The following DOCK1 variants were observed in gnomAD, a reference collection of about 807,000 sequenced individuals.
The protein encoded by DOCK1 is dedicator of cytokinesis 1.
A neutral mutation model predicts 262.7 loss-of-function variants in DOCK1; 138 were observed. The observed-to-expected ratio is 0.53, with a 90% CI of 0.46 to 0.61. The LOEUF is 0.61. DOCK1 is among the 20% of genes least tolerant of loss of function. The pLI, the probability that DOCK1 is intolerant of heterozygous loss-of-function variation, is 0.00. For synonymous variants in DOCK1, 866 were observed against 867.4 expected, an observed-to-expected ratio of 1.00 and a Z score of 0.03; for missense variants, 1,908 against 2,370.7, an observed-to-expected ratio of 0.80 and a Z score of 4.05.
chr10:126,990,601 C>T lies in DOCK1; in HGVS notation c.471C>T (p.Asn157=), dbSNP rs537707948. ...TCACAGCCAAAATTGATTATGGAAA[C>T]AGGTTTGTTTATTTGAAAGATGATT... ...KKVTAKIDYG[N]RILDLDLVVR... Residue 157 remains asparagine (N), a splice_region_variant and synonymous_variant, in exon 6 of 52, where the codon AAC becomes AAT. Coordinates refer to ENST00000623213, the MANE Select transcript of DOCK1 (RefSeq NM_001290223.2). 1.2e-6 allele frequency: 2 copies of T among 1,613,400 alleles called. No homozygotes were observed. The highest frequency in any genetic ancestry group is 3.3e-5 in the Admixed American group (2 of 59,950).
At chr10:127,445,085 G>A (rs1240379846) in intron 50 of DOCK1, among the ~76,000 whole-genome samples, 1 of 152,142 alleles carries the variant, frequency 6.6e-6, no homozygotes, top group East Asian at 1.9e-4. Context: ...ACATTCTGAG[G>A]TTCTGGGTGG....
chr10:127,170,222 T>C lies in DOCK1; in HGVS notation c.2847+42458T>C, dbSNP rs77658889. ...TGGTGTGTTACTTAGGATTTTCTGT[T>C]TTTAATCATACTCTTGCCTTTGCTC... On this transcript the variant is annotated intron_variant, in intron 27 of 51. Coordinates refer to ENST00000623213, the MANE Select transcript of DOCK1 (RefSeq NM_001290223.2). Among the ~76,000 whole-genome samples the C allele has an allele frequency of 6.6e-5, 10 of 152,270 alleles. No individual in the cohort carries two copies. In the East Asian group the frequency reaches 1.9e-3, roughly 29 times the overall value.
At chr10:127,138,433 T>C (rs899944345) in intron 27 of DOCK1, among the ~76,000 whole-genome samples, 5 of 152,146 alleles carry the variant, frequency 3.3e-5, no homozygotes, top group African/African-American at 1.2e-4. Flanking sequence ...GCAAGGTCCG[T>C]TCCTGTGCAA....
chr10:127,140,735 C>T (rs2051160341), intron 27 of DOCK1, among the ~76,000 whole-genome samples: 1 of 150,970 alleles, frequency 6.6e-6, no homozygotes, highest in Non-Finnish European at 1.5e-5. Flanking sequence ...ACGGTCTGGC[C>T]AACTCTGGCT....
chr10:127,061,831 C>T, intron 23 of DOCK1, 55 bp downstream of exon 23: 2 of 1,412,174 alleles, frequency 1.4e-6, no homozygotes, highest in Non-Finnish European at 9.6e-7. Flanking sequence ...CTTTCATTAT[C>T]TCTTTTGGAG....
intron 18 of DOCK1, among the ~76,000 whole-genome samples, chr10:127,032,930 G>A (rs1043956723): frequency 6.6e-6 from 1 of 152,194 alleles, no homozygotes; most frequent in Non-Finnish European, 1.5e-5. Context: ...AAGGTAGCGT[G>A]ACATAAAGGA....
chr10:127,418,932 G>C (rs768956867), intron 45 of DOCK1, among the ~76,000 whole-genome samples: 2 of 152,220 alleles, frequency 1.3e-5, no homozygotes, highest in Non-Finnish European at 2.9e-5. Flanking sequence ...CCGGCCAGCT[G>C]GTCTCCCTGG....
chr10:127,313,537 A>T (rs917691032), intron 29 of DOCK1, among the ~76,000 whole-genome samples: 1 of 152,178 alleles, frequency 6.6e-6, no homozygotes, highest in African/African-American at 2.4e-5. Context: ...CTGATTTCTT[A>T]TTCTCTGATA....
At chr10:126,986,448 C>T (rs1024779291) in intron 4 of DOCK1, among the ~76,000 whole-genome samples, 4 of 152,200 alleles carry the variant, frequency 2.6e-5, no homozygotes, top group African/African-American at 7.2e-5. Flanking sequence ...GACACACAGA[C>T]AACCTGTGGG....
chr10:127,291,707 G>A (rs2135370190), intron 29 of DOCK1, among the ~76,000 whole-genome samples: 1 of 152,344 alleles, frequency 6.6e-6, no homozygotes, highest in East Asian at 1.9e-4. Flanking sequence ...TCGCTTCCTT[G>A]TGGGGAGACA....
intron 12 of DOCK1, among the ~76,000 whole-genome samples, chr10:127,017,634 C>T (rs979359944): frequency 1.3e-5 from 2 of 151,980 alleles, no homozygotes; most frequent in Admixed American, 6.5e-5. Flanking sequence ...CGCGCATACC[C>T]ATGCTAGTAG....
rs190579700 is a variant in DOCK1 at position 126,982,706 on chromosome 10, C to T, written c.227+733C>T. 1.2e-3 allele frequency among the ~76,000 whole-genome samples: 187 copies of T among 152,226 alleles called. 2 individuals carry two copies. Among genetic ancestry groups the T allele is most frequent in the African/African-American group, 4.4e-3 (182 of 41,550 alleles). On this transcript the variant is annotated intron_variant, in intron 4 of 51. Coordinates refer to ENST00000623213, the MANE Select transcript of DOCK1 (RefSeq NM_001290223.2). Reference sequence around the variant, plus strand: ...CTTTTAACATATGAAAAGAACCGTTCGGGTTCCATAGTTCCATGATGCATA... The same window carrying T: ...CTTTTAACATATGAAAAGAACCGTTTGGGTTCCATAGTTCCATGATGCATA...
chr10:127,197,580 G>A (rs1020389889), intron 27 of DOCK1, among the ~76,000 whole-genome samples: 6 of 152,176 alleles, frequency 3.9e-5, no homozygotes, highest in Non-Finnish European at 4.4e-5. Flanking sequence ...CTCAGGAAAG[G>A]TCAGAGAAGT....
chr10:127,023,895 A>G (rs1242033414), intron 14 of DOCK1, among the ~76,000 whole-genome samples: 1 of 152,184 alleles, frequency 6.6e-6, no homozygotes, highest in East Asian at 1.9e-4. Flanking sequence ...TAAGAAATCA[A>G]TTAAATTGCT....
At chr10:127,137,079 A>C (rs999195337) in intron 27 of DOCK1, 1 of 152,666 alleles carries the variant, frequency 6.6e-6, no homozygotes, top group Non-Finnish European at 1.5e-5. Flanking sequence ...CTTAGTGTCC[A>C]ATAGCTCTGA....
chr10:127,017,968 G>A (rs961368615), intron 12 of DOCK1, among the ~76,000 whole-genome samples: 10 of 152,146 alleles, frequency 6.6e-5, no homozygotes, highest in Non-Finnish European at 1.5e-4. Context: ...GGAAGATCCC[G>A]CGCACATCCC....
intron 25 of DOCK1, among the ~76,000 whole-genome samples, chr10:127,121,995 CT>C (rs1287238685): frequency 6.6e-6 from 1 of 152,200 alleles, no homozygotes; most frequent in Non-Finnish European, 1.5e-5. Flanking sequence ...GGCTTCTGCT[CT>C]TATGGAGATT....
chr10:127,239,681 G>C (rs1436683187), intron 27 of DOCK1, among the ~76,000 whole-genome samples: 1 of 151,952 alleles, frequency 6.6e-6, no homozygotes, highest in Non-Finnish European at 1.5e-5. Flanking sequence ...ACCGAGTTAC[G>C]CTCGTTTCTA....
chr10:127,067,499 A>T lies in DOCK1; in HGVS notation c.2445+5723A>T. Reference sequence around the variant, plus strand: ...GATGCTTACTTGGTATATGTGTGTGAGTGTGTCTGTGTGCATTGTATGTGT... The same window carrying T: ...GATGCTTACTTGGTATATGTGTGTGTGTGTGTCTGTGTGCATTGTATGTGT... On this transcript the variant is annotated intron_variant, in intron 23 of 51. Transcript: ENST00000623213. Among the ~76,000 whole-genome samples, 2 of 151,758 alleles carry T rather than the reference A, an allele frequency of 1.3e-5. 1 individual carries two copies. The highest frequency in any genetic ancestry group is 4.2e-4 in the South Asian group (2 of 4,802).
Sources: allele counts gnomAD v4.1 joint callset (sites outside exome capture counted in the v4.1 genomes callset), GRCh38; gene constraint gnomAD v4.1.1; transcripts MANE v1.5; gene names NCBI Gene and HGNC (gene_info 2026-07-23, HGNC 2026-07-21).